The following CCDC177 variants were observed in gnomAD, a reference collection of about 807,000 sequenced individuals.
The protein encoded by CCDC177 is coiled-coil domain-containing protein 177.
A neutral mutation model predicts 7.3 loss-of-function variants in CCDC177; 2 were observed. That is an observed-to-expected ratio of 0.28 (90% CI 0.11 to 0.87). The LOEUF (loss-of-function observed/expected upper bound fraction) is 0.87. Among genes scored for constraint, CCDC177 ranks in the 40% least tolerant of loss-of-function variants. The pLI is 0.61. For synonymous variants in CCDC177, 401 were observed against 449.2 expected (o/e 0.89, Z 1.36); for missense variants, 874 against 970.5 (o/e 0.90, Z 1.32).
chr14:69,572,491 C>G lies in CCDC177; in HGVS notation c.1132G>C (p.Glu378Gln). ...LQRVHAKQRREREEREKQRAL... is the reference protein window; with the variant it reads ...LQRVHAKQRRQREEREKQRAL... ...CGCTGCTTCTCCCGCTCCTCGCGCT[C>G]CCGCCGCTGCTTGGCGTGCACGCGC... is the stretch of plus-strand genomic sequence containing the variant. Residue 378 changes from glutamate to glutamine, a missense_variant, in exon 2 of 2, where the codon GAG (glutamate) becomes CAG (glutamine). Glu to Gln is a conservative substitution (Grantham distance 29, BLOSUM62 2). Coordinates refer to ENST00000599174, the MANE Select transcript of CCDC177 (RefSeq NM_001271507.2). 2 of 1,230,852 alleles carry G rather than the reference C, an allele frequency of 1.6e-6. No individual in the cohort carries two copies. Among genetic ancestry groups the G allele is most frequent in the African/African-American group, 1.6e-5 (1 of 64,502 alleles). 76.2% of individuals were successfully genotyped at this position (1,230,852 alleles called of 1,614,324 possible). A position where few individuals can be genotyped will look rare whatever the true frequency, so the allele number is the denominator to read the frequency against.
In CCDC177 at chr14:69,573,398, G is replaced by A; in HGVS notation, c.225C>T (p.Asp75=). ...RREQSPLLHL[D]LFNFDCPEAE... is the part of the protein sequence containing the mutation. ...CCTCTGGGCAGTCGAAGTTGAAGAG[G>A]TCGAGGTGCAGCAGCGGGGACTGCT... Residue 75 remains aspartate (D), a synonymous_variant, in exon 2 of 2, where the codon GAC becomes GAT. Transcript: ENST00000599174. 1.6e-6 allele frequency: 2 copies of A among 1,231,424 alleles called. No individual in the cohort carries two copies. Among genetic ancestry groups the A allele is most frequent in the Non-Finnish European group, 2.0e-6 (2 of 987,764 alleles). 76.3% of individuals were successfully genotyped at this position (1,231,424 alleles called of 1,614,324 possible). A position where few individuals can be genotyped will look rare whatever the true frequency, so the allele number is the denominator to read the frequency against.
chr14:69,574,157 AAAGGAGACTCGGTCGC>A (rs1044763491), intron 1 of CCDC177, among the ~76,000 whole-genome samples: 1 of 152,172 alleles, frequency 6.6e-6, no homozygotes, highest in Non-Finnish European at 1.5e-5. Context: ...TTCCCCTGCC[AAAGGAGACTCGGTCGC>A]AAGGCCCCCG....
chr14:69,572,049 T>C lies in CCDC177; in HGVS notation c.1574A>G (p.Gln525Arg). 3 of 1,230,992 alleles carry C rather than the reference T, an allele frequency of 2.4e-6. No homozygotes were observed. The highest frequency in any genetic ancestry group is 6.3e-5 in the East Asian group (2 of 31,604). The allele number at this position is 1,230,992 out of a possible 1,614,324, so 76.3% of individuals were successfully genotyped here. ...CGAGCTCCGCAGGCCCTCTCGCTCC[T>C]GGCGCTGCTGCCGGGTCCGACCCTG... ...LLQGRTRQQR[Q>R]EREGLRSSLE... The change falls in exon 2 of 2, where the codon CAG becomes CGG. Residue 525 changes from glutamine (Q) to arginine (R), a missense_variant. Coordinates refer to ENST00000599174, the MANE Select transcript of CCDC177 (RefSeq NM_001271507.2).
rs1884397718 is a variant in CCDC177 at position 69,574,552 on chromosome 14, G to A, written c.-39C>T. On this transcript the variant is annotated 5_prime_UTR_variant, in exon 1 of 2. Coordinates refer to ENST00000599174, the MANE Select transcript of CCDC177 (RefSeq NM_001271507.2). ...AGCCGGTTTACTCACCCCGCGTCCTGGGCTTCGGCCCCGCGCCAAGGGCTT... is the reference window on the plus strand; with the variant it reads ...AGCCGGTTTACTCACCCCGCGTCCTAGGCTTCGGCCCCGCGCCAAGGGCTT... The A allele has an allele frequency of 6.6e-6, 1 of 152,334 alleles. No homozygotes were observed. Among genetic ancestry groups the A allele is most frequent in the Non-Finnish European group, 1.5e-5 (1 of 68,142 alleles). 9.4% of individuals were successfully genotyped at this position (152,334 alleles called of 1,614,324 possible).
Position 69,571,819 on chromosome 14 carries a change from C to T in CCDC177, c.1804G>A (p.Val602Met), listed in dbSNP as rs1450024194. The change falls in exon 2 of 2, where the codon GTG becomes ATG. Residue 602 changes from valine to methionine, a missense_variant. Physicochemically the swap from Val to Met is conservative, Grantham distance 21. Transcript: ENST00000599174. Reference protein sequence around the residue: ...GERRLQHATQVAEEAVQQKAR... With the variant: ...GERRLQHATQMAEEAVQQKAR... Reference sequence around the variant, plus strand: ...TTCTGCTGCACTGCTTCCTCGGCCACCTGCGTCGCGTGCTGCAGCCGTCGC... The same window carrying T: ...TTCTGCTGCACTGCTTCCTCGGCCATCTGCGTCGCGTGCTGCAGCCGTCGC... 7.3e-6 allele frequency: 9 copies of T among 1,231,538 alleles called. No individual in the cohort carries two copies. Among genetic ancestry groups the T allele is most frequent in the Non-Finnish European group, 9.1e-6 (9 of 987,920 alleles). The allele number at this position is 1,231,538 out of a possible 1,614,324, so 76.3% of individuals were successfully genotyped here. A position where few individuals can be genotyped will look rare whatever the true frequency, so the allele number is the denominator to read the frequency against.
In CCDC177 at chr14:69,571,971, T is replaced by C. The variant is rs1314249030; in HGVS notation, c.1652A>G (p.Gln551Arg). The change falls in exon 2 of 2, where the codon CAG (glutamine) becomes CGG (arginine). Residue 551 changes from glutamine to arginine, a missense_variant. Physicochemically the swap from Gln to Arg is conservative, Grantham distance 43 (BLOSUM62 1). Coordinates refer to ENST00000599174, the MANE Select transcript of CCDC177 (RefSeq NM_001271507.2). Reference sequence around the variant, plus strand: ...CCGCTCCCGCAGCTCCCGGGTGCGCTGCTCCACCAAATGCTCGTAGTTCTC... The same window carrying C: ...CCGCTCCCGCAGCTCCCGGGTGCGCCGCTCCACCAAATGCTCGTAGTTCTC... ...AQENYEHLVE[Q>R]RTRELRERAR... The C allele has an allele frequency of 7.3e-6, 9 of 1,231,342 alleles. No individual in the cohort carries two copies. Among genetic ancestry groups the C allele is most frequent in the Admixed American group, 8.5e-5 (2 of 23,658 alleles). The allele number at this position is 1,231,342 out of a possible 1,614,324, so 76.3% of individuals were successfully genotyped here.
In CCDC177 at chr14:69,572,155, T is replaced by G. The variant is rs1033183001; in HGVS notation, c.1468A>C (p.Lys490Gln). 3.3e-5 allele frequency: 41 copies of G among 1,230,420 alleles called. No homozygotes were observed. Among genetic ancestry groups the G allele is most frequent in the Middle Eastern group, 3.1e-4 (1 of 3,218 alleles). The allele number at this position is 1,230,420 out of a possible 1,614,324, so 76.2% of individuals were successfully genotyped here. A position where few individuals can be genotyped will look rare whatever the true frequency, so the allele number is the denominator to read the frequency against. The change falls in exon 2 of 2, where the codon AAG (lysine) becomes CAG (glutamine). Residue 490 changes from lysine (K) to glutamine (Q), a missense_variant. Transcript: ENST00000599174. ...TGCAGCTGGCCCTCCTGCCGCTGCT[T>G]GGCGCGGGCCGCGCGCTGGGCGCGC... ...RERAQRAARA[K>Q]QRQEGQLQRE...
Position 69,573,663 on chromosome 14 carries a change from AGGAG to A in CCDC177, c.-28-17_-28-14del. 8.1e-7 allele frequency: 1 copy of A among 1,231,778 alleles called. No homozygotes were observed. The highest frequency in any genetic ancestry group is 1.0e-6 in the Non-Finnish European group (1 of 987,980). The allele number at this position is 1,231,778 out of a possible 1,614,324, so 76.3% of individuals were successfully genotyped here. ...TTTGTTGGAATCTCTGCAGATCACA[AGGAG>A]GGACATCGAGGAATACGTCTGAGAG... is the stretch of plus-strand genomic sequence containing the variant. On this transcript the variant is annotated splice_polypyrimidine_tract_variant and intron_variant, in intron 1 of 1. Coordinates refer to ENST00000599174, the MANE Select transcript of CCDC177 (RefSeq NM_001271507.2).
chr14:69,571,732 TCTC>T lies in CCDC177; in HGVS notation c.1888_1890del (p.Glu630del). On this transcript the variant is annotated inframe_deletion, in exon 2 of 2. Transcript: ENST00000599174. ...CGGCAGTCTTCGTCCCTCTCCACCTTCTCCTTGTTGGCGCGCTGGGCTCGTTCC... is the reference window on the plus strand; with the variant it reads ...CGGCAGTCTTCGTCCCTCTCCACCTTCTTGTTGGCGCGCTGGGCTCGTTCC... The T allele has an allele frequency of 8.1e-7, 1 of 1,231,510 alleles. No homozygotes were observed. The highest frequency in any genetic ancestry group is 1.0e-6 in the Non-Finnish European group (1 of 987,924). 76.3% of individuals were successfully genotyped at this position (1,231,510 alleles called of 1,614,324 possible).
At position 69,571,671 on chromosome 14, in the gene CCDC177, A is replaced by C. The variant is rs1388782894; in HGVS notation, c.1952T>G (p.Leu651Arg). The change falls in exon 2 of 2, where the codon CTG becomes CGG. Residue 651 changes from leucine to arginine, a missense_variant. By Grantham distance (102) the Leu-to-Arg change is moderately radical. Transcript: ENST00000599174. ...CCGCGTCAGCTGCTCGCTGCGCTCCAGCTTGCGCCCGATGGCCTGGAGTAG... is the reference window on the plus strand; with the variant it reads ...CCGCGTCAGCTGCTCGCTGCGCTCCCGCTTGCGCCCGATGGCCTGGAGTAG... ...RELLQAIGRK[L>R]ERSEQLTRER... is the part of the protein sequence containing the mutation. The C allele has an allele frequency of 8.1e-7, 1 of 1,231,926 alleles. No individual in the cohort carries two copies. The highest frequency in any genetic ancestry group is 3.2e-5 in the East Asian group (1 of 31,678). 76.3% of individuals were successfully genotyped at this position (1,231,926 alleles called of 1,614,324 possible). A position where few individuals can be genotyped will look rare whatever the true frequency, so the allele number is the denominator to read the frequency against.
rs1355897082 is a variant in CCDC177, at chr14:69,572,580, C to T, written c.1043G>A (p.Arg348Gln). The change falls in exon 2 of 2, where the codon CGG becomes CAG. Residue 348 changes from arginine to glutamine, a missense_variant. Transcript: ENST00000599174. ...DRKIAALMLA[R>Q]HQEELLLLEQ... The stretch of plus-strand genomic sequence containing the variant: ...CAGCAGCAGGAGCTCCTCCTGGTGC[C>T]GCGCCAGCATGAGCGCCGCGATCTT... The T allele has an allele frequency of 4.1e-6, 5 of 1,231,078 alleles. No homozygotes were observed. The highest frequency in any genetic ancestry group is 5.1e-6 in the Non-Finnish European group (5 of 987,582). 76.3% of individuals were successfully genotyped at this position (1,231,078 alleles called of 1,614,324 possible). A position where few individuals can be genotyped will look rare whatever the true frequency, so the allele number is the denominator to read the frequency against.
rs1884349686 is a variant in CCDC177 at position 69,572,531 on chromosome 14, G to A, written c.1092C>T (p.Gly364=). The change falls in exon 2 of 2, where the codon GGC becomes GGT. Residue 364 remains glycine, a synonymous_variant. Transcript: ENST00000599174. ...CGTGCACGCGCTGCAGCTCCCACTG[G>A]CCGTGGGCAGCCGCGCGTTGCTCCA... ...LLLEQRAAAH[G]QWELQRVHAK... 1 of 1,230,946 alleles carries A rather than the reference G, an allele frequency of 8.1e-7. No homozygotes were observed. Among genetic ancestry groups the A allele is most frequent in the Non-Finnish European group, 1.0e-6 (1 of 987,500 alleles). The allele number at this position is 1,230,946 out of a possible 1,614,324, so 76.3% of individuals were successfully genotyped here. A position where few individuals can be genotyped will look rare whatever the true frequency, so the allele number is the denominator to read the frequency against.
rs1394251111 is a variant in CCDC177, at chr14:69,572,348, C to T, written c.1275G>A (p.Glu425=). ...RRRQRQYERS[E]ERRRELAERQ... is the part of the protein sequence containing the mutation. ...GTTCGGCCAGCTCCCGCCGCCGCTC[C>T]TCGCTGCGCTCGTACTGCCGCTGCC... Residue 425 remains glutamate, a synonymous_variant, in exon 2 of 2, where the codon GAG becomes GAA. Coordinates refer to ENST00000599174, the MANE Select transcript of CCDC177 (RefSeq NM_001271507.2). 2.5e-6 allele frequency: 3 copies of T among 1,224,202 alleles called. No individual in the cohort carries two copies. Among genetic ancestry groups the T allele is most frequent in the Middle Eastern group, 3.2e-4 (1 of 3,170 alleles). 75.8% of individuals were successfully genotyped at this position (1,224,202 alleles called of 1,614,324 possible).
Position 69,570,507 on chromosome 14 carries a change from A to T in CCDC177, c.*992T>A. ...AAGGATACCCTAATTGTCCTCAGAGAAGTAGAGATGATTCCTTCACAGAGG... is the reference window on the plus strand; with the variant it reads ...AAGGATACCCTAATTGTCCTCAGAGTAGTAGAGATGATTCCTTCACAGAGG... On this transcript the variant is annotated 3_prime_UTR_variant, in exon 2 of 2. Transcript: ENST00000599174. 3.2e-6 allele frequency: 1 copy of T among 312,086 alleles called. No individual in the cohort carries two copies. The highest frequency in any genetic ancestry group is 6.3e-6 in the Non-Finnish European group (1 of 158,926). 19.3% of individuals were successfully genotyped at this position (312,086 alleles called of 1,614,324 possible).
At position 69,572,991 on chromosome 14, in the gene CCDC177, C is replaced by G; in HGVS notation, c.632G>C (p.Ser211Thr). ...AGGTTGGGTCCGGGCGGAGGAGGGACTAGGGGAAGCCTTGCGGGCCGCACG... is the reference window on the plus strand; with the variant it reads ...AGGTTGGGTCCGGGCGGAGGAGGGAGTAGGGGAAGCCTTGCGGGCCGCACG... ...APRAARKASP[S>T]PSSARTQPPP... Residue 211 changes from serine to threonine, a missense_variant, in exon 2 of 2, where the codon AGT becomes ACT. Coordinates refer to ENST00000599174, the MANE Select transcript of CCDC177 (RefSeq NM_001271507.2). 1.6e-6 allele frequency: 2 copies of G among 1,230,714 alleles called. No individual in the cohort carries two copies. Among genetic ancestry groups the G allele is most frequent in the Non-Finnish European group, 2.0e-6 (2 of 987,496 alleles). The allele number at this position is 1,230,714 out of a possible 1,614,324, so 76.2% of individuals were successfully genotyped here.
At position 69,572,565 on chromosome 14, in the gene CCDC177, A is replaced by G; in HGVS notation, c.1058T>C (p.Leu353Pro). 1 of 1,231,054 alleles carries G rather than the reference A, an allele frequency of 8.1e-7. No individual in the cohort carries two copies. Among genetic ancestry groups the G allele is most frequent in the Non-Finnish European group, 1.0e-6 (1 of 987,512 alleles). 76.3% of individuals were successfully genotyped at this position (1,231,054 alleles called of 1,614,324 possible). A position where few individuals can be genotyped will look rare whatever the true frequency, so the allele number is the denominator to read the frequency against. The change falls in exon 2 of 2, where the codon CTC (leucine) becomes CCC (proline). Residue 353 changes from leucine (L) to proline (P), a missense_variant. Physicochemically the swap from Leu to Pro is moderately conservative, Grantham distance 98 (BLOSUM62 -3). Coordinates refer to ENST00000599174, the MANE Select transcript of CCDC177 (RefSeq NM_001271507.2). Reference protein sequence around the residue: ...ALMLARHQEELLLLEQRAAAH... With the variant: ...ALMLARHQEEPLLLEQRAAAH... ...AGCCGCGCGTTGCTCCAGCAGCAGG[A>G]GCTCCTCCTGGTGCCGCGCCAGCAT...
In CCDC177 at chr14:69,574,632, G is replaced by C. The variant is rs1031175393; in HGVS notation, c.-119C>G. ...CTTCTTCAGTCTCTGCGCCGGCGGG[G>C]TCGGGTTACTGCCGGCTGCAACCGT... On this transcript the variant is annotated 5_prime_UTR_variant, in exon 1 of 2. Coordinates refer to ENST00000599174, the MANE Select transcript of CCDC177 (RefSeq NM_001271507.2). 1 of 152,120 alleles carries C rather than the reference G, an allele frequency of 6.6e-6. No individual in the cohort carries two copies. Among genetic ancestry groups the C allele is most frequent in the Admixed American group, 6.5e-5 (1 of 15,274 alleles). 9.4% of individuals were successfully genotyped at this position (152,120 alleles called of 1,614,324 possible). A position where few individuals can be genotyped will look rare whatever the true frequency, so the allele number is the denominator to read the frequency against.
Position 69,572,595 on chromosome 14 carries a change from G to A in CCDC177, c.1028C>T (p.Ala343Val), listed in dbSNP as rs1050277740. 2.7e-5 allele frequency: 33 copies of A among 1,231,114 alleles called. No homozygotes were observed. The highest frequency in any genetic ancestry group is 3.1e-5 in the Non-Finnish European group (31 of 987,600). 76.3% of individuals were successfully genotyped at this position (1,231,114 alleles called of 1,614,324 possible). Reference sequence around the variant, plus strand: ...CTCCTGGTGCCGCGCCAGCATGAGCGCCGCGATCTTCCGGTCACGCTCCGG... The same window carrying A: ...CTCCTGGTGCCGCGCCAGCATGAGCACCGCGATCTTCCGGTCACGCTCCGG... The part of the protein sequence containing the change: ...GVPERDRKIA[A>V]LMLARHQEEL... Residue 343 changes from alanine to valine, a missense_variant, in exon 2 of 2, where the codon GCG (alanine) becomes GTG (valine). Coordinates refer to ENST00000599174, the MANE Select transcript of CCDC177 (RefSeq NM_001271507.2).
At position 69,572,577 on chromosome 14, in the gene CCDC177, T is replaced by TGCCGCGCCAGCATGAGC; in HGVS notation, c.1029_1045dup (p.His349ArgfsTer46). On this transcript the variant is annotated frameshift_variant, in exon 2 of 2. Transcript: ENST00000599174. LOFTEE classifies it low-confidence loss of function (END_TRUNC). ...CTCCAGCAGCAGGAGCTCCTCCTGG[T>TGCCGCGCCAGCATGAGC]GCCGCGCCAGCATGAGCGCCGCGAT... 1 of 1,231,154 alleles carries TGCCGCGCCAGCATGAGC rather than the reference T, an allele frequency of 8.1e-7. No individual in the cohort carries two copies. The highest frequency in any genetic ancestry group is 1.0e-6 in the Non-Finnish European group (1 of 987,554). 76.3% of individuals were successfully genotyped at this position (1,231,154 alleles called of 1,614,324 possible). A position where few individuals can be genotyped will look rare whatever the true frequency, so the allele number is the denominator to read the frequency against.
Sources: allele counts gnomAD v4.1 joint callset (sites outside exome capture counted in the v4.1 genomes callset), GRCh38; gene constraint gnomAD v4.1.1; transcripts MANE v1.5; gene names NCBI Gene and HGNC (gene_info 2026-07-23, HGNC 2026-07-21).